The following PGM2L1 variants were observed in gnomAD, a reference collection of about 807,000 sequenced individuals.
PGM2L1 encodes the protein glucose 1,6-bisphosphate synthase.
A neutral mutation model predicts 73.4 loss-of-function variants in PGM2L1; 35 were observed. That is an observed-to-expected ratio of 0.48 (90% confidence interval 0.36 to 0.63). The LOEUF is 0.63. Ranked by LOEUF, PGM2L1 falls within the 30% of genes least tolerant of loss-of-function variation. PGM2L1 has a pLI of 0.00. For synonymous variants in PGM2L1, 225 were observed against 253.8 expected, an observed-to-expected ratio of 0.89 and a Z score of 1.08; for missense variants, 570 against 742.0, an observed-to-expected ratio of 0.77 and a Z score of 2.69.
rs773687874 is a variant in PGM2L1 at position 74,336,664 on chromosome 11, C to T, written c.1857G>A (p.Trp619Ter). 6.2e-7 allele frequency: 1 copy of T among 1,607,236 alleles called. No homozygotes were observed. The highest frequency in any genetic ancestry group is 1.1e-5 in the South Asian group (1 of 90,366). ...TATTGGTGTACCCCTAAACAGAACGCCAGATCAGTCCATTCTTACTAGGCT... is the reference window on the plus strand; with the variant it reads ...TATTGGTGTACCCCTAAACAGAACGTCAGATCAGTCCATTCTTACTAGGCT... ...FLQPSKNGLIWRSV is the reference protein window; with the variant it reads ...FLQPSKNGLI Residue 619 changes from tryptophan to a stop codon, truncating the protein, a stop_gained, in exon 14 of 14, where the codon TGG (tryptophan) becomes TGA (stop). Transcript: ENST00000298198. LOFTEE classifies it high-confidence loss of function.
rs140201310 is a variant in PGM2L1, at chr11:74,357,926, A to G, written c.556-6350T>C. On this transcript the variant is annotated intron_variant, in intron 5 of 13. Coordinates refer to ENST00000298198, the MANE Select transcript of PGM2L1 (RefSeq NM_173582.6). The stretch of plus-strand genomic sequence containing the variant: ...TGAAAGAAGCCAATCTAAAAAGGCT[A>G]TATACTGTATATTCCAACAATATGA... Among the ~76,000 whole-genome samples, 160 of 152,340 alleles carry G rather than the reference A, an allele frequency of 1.1e-3. 3 individuals are homozygous for G. The East Asian group carries it at 0.025, about 23-fold the overall frequency.
chr11:74,360,995 C>T (rs553860360), intron 5 of PGM2L1, among the ~76,000 whole-genome samples: 16 of 152,318 alleles, frequency 1.1e-4, no homozygotes, highest in East Asian at 7.7e-4. Flanking sequence ...AAACAAAAGG[C>T]GGCAGAAACC....
intron 12 of PGM2L1, among the ~76,000 whole-genome samples, chr11:74,339,277 G>T (rs929004562): frequency 6.6e-6 from 1 of 152,132 alleles, no homozygotes; most frequent in Non-Finnish European, 1.5e-5. Context: ...GGTGCAGAAA[G>T]AACTCTATTT....
chr11:74,339,040 A>G (rs889314535), intron 12 of PGM2L1, among the ~76,000 whole-genome samples: 3 of 152,330 alleles, frequency 2.0e-5, no homozygotes, highest in South Asian at 4.1e-4. Flanking sequence ...ATATACCTCA[A>G]TGCATGATCT....
intron 1 of PGM2L1, among the ~76,000 whole-genome samples, chr11:74,387,743 TCAGA>T (rs1339766363): frequency 6.6e-6 from 1 of 152,236 alleles, no homozygotes; most frequent in African/African-American, 2.4e-5. Context: ...AAAGCCAATG[TCAGA>T]CAGTTAACCA....
At chr11:74,393,672 C>G (rs942833101) in intron 1 of PGM2L1, among the ~76,000 whole-genome samples, 4 of 152,166 alleles carry the variant, frequency 2.6e-5, no homozygotes, top group African/African-American at 9.7e-5. Context: ...CCACAGTGCT[C>G]TACTTGCTAT....
intron 1 of PGM2L1, among the ~76,000 whole-genome samples, chr11:74,383,252 AAC>A (rs553004313): frequency 1.3e-3 from 191 of 152,302 alleles, no homozygotes; most frequent in African/African-American, 4.5e-3. Flanking sequence ...AATATGCAAA[AAC>A]ACTTAGATAT....
chr11:74,365,117 G>A (rs28872612), intron 5 of PGM2L1, among the ~76,000 whole-genome samples: 1 of 145,214 alleles, frequency 6.9e-6, no homozygotes, highest in African/African-American at 2.5e-5. Context: ...AATGGGGAAA[G>A]GATTCCCTAT....
chr11:74,347,999 C>G (rs549575548), intron 6 of PGM2L1, among the ~76,000 whole-genome samples: 1 of 152,208 alleles, frequency 6.6e-6, no homozygotes, highest in East Asian at 1.9e-4. Flanking sequence ...CTTTCCTCCC[C>G]CTTCATCTCA....
intron 12 of PGM2L1, 76 bp downstream of exon 12, chr11:74,342,385 G>C: frequency 1.7e-6 from 2 of 1,157,786 alleles, no homozygotes; most frequent in Non-Finnish European, 2.4e-6. Flanking sequence ...TGTGAAATCT[G>C]TCCTGCCTCT....
At chr11:74,345,251 G>T (rs548327560) in intron 9 of PGM2L1, among the ~76,000 whole-genome samples, 3 of 152,268 alleles carry the variant, frequency 2.0e-5, no homozygotes, top group South Asian at 4.1e-4. Context: ...AATTTTTAAA[G>T]AATATCTCAT....
At chr11:74,381,167 A>G (rs1355262798) in intron 1 of PGM2L1, among the ~76,000 whole-genome samples, 5 of 152,198 alleles carry the variant, frequency 3.3e-5, no homozygotes, top group Non-Finnish European at 5.9e-5. Flanking sequence ...TTGAACAGGT[A>G]ATTTCACTCC....
intron 2 of PGM2L1, among the ~76,000 whole-genome samples, chr11:74,372,227 T>G (rs1030398632): frequency 1.3e-5 from 2 of 152,080 alleles, no homozygotes; most frequent in East Asian, 3.8e-4. Context: ...CCTTGCTAGA[T>G]CATATGATTG....
In PGM2L1 at chr11:74,336,742, T is replaced by C; in HGVS notation, c.1779A>G (p.Leu593=). The change falls in exon 14 of 14, where the codon TTA becomes TTG. Residue 593 remains leucine (L), a synonymous_variant. Transcript: ENST00000298198. ...TGAGTTTCTTCAGTTCTTCCTCCAG[T>C]AAAGCAGTGTCACTGAGGAAAAGAT... ...CASPDQSDTA[L]LEEELKKLID... is the part of the protein sequence containing the mutation. The C allele has an allele frequency of 1.2e-6, 2 of 1,605,726 alleles. No homozygotes were observed. Among genetic ancestry groups the C allele is most frequent in the Non-Finnish European group, 1.7e-6 (2 of 1,173,916 alleles).
chr11:74,353,700 G>T (rs1484290955), intron 5 of PGM2L1, among the ~76,000 whole-genome samples: 1 of 130,538 alleles, frequency 7.7e-6, no homozygotes, highest in Non-Finnish European at 1.7e-5. Flanking sequence ...ATTTTTCTTA[G>T]TACAGAACAA....
In PGM2L1 at chr11:74,336,773, G is replaced by A. The variant is rs750165130; in HGVS notation, c.1767-19C>T. 1 of 1,524,520 alleles carries A rather than the reference G, an allele frequency of 6.6e-7. No homozygotes were observed. The highest frequency in any genetic ancestry group is 9.0e-7 in the Non-Finnish European group (1 of 1,110,296). The allele number at this position is 1,524,520 out of a possible 1,614,324, so 94.4% of individuals were successfully genotyped here. On this transcript the variant is annotated intron_variant, in intron 13 of 13. Transcript: ENST00000298198. ...AGTGTCACTGAGGAAAAGATGAAGA[G>A]TTTTGGAATTATTTATTTTCATAGG...
At position 74,345,571 on chromosome 11, in the gene PGM2L1, A is replaced by T. The variant is rs757880101; in HGVS notation, c.1116T>A (p.Asn372Lys). 5.8e-5 allele frequency: 94 copies of T among 1,613,546 alleles called. No homozygotes were observed. The highest frequency in any genetic ancestry group is 7.7e-5 in the Non-Finnish European group (91 of 1,179,748). ...GWWMFDCWKK[N>K]KSRNADVKNV... Reference sequence around the variant, plus strand: ...TCTTCACATCAGCATTTCTTGATTTATTTTTCTTCCAGCAATCAAACATCC... The same window carrying T: ...TCTTCACATCAGCATTTCTTGATTTTTTTTTCTTCCAGCAATCAAACATCC... The change falls in exon 9 of 14, where the codon AAT becomes AAA. Residue 372 changes from asparagine to lysine, a missense_variant. Transcript: ENST00000298198.
Position 74,350,897 on chromosome 11 carries a change from AAGAGAGAGAGAG to A in PGM2L1, c.749+474_749+485del, listed in dbSNP as rs35421915. On this transcript the variant is annotated intron_variant, in intron 6 of 13. Coordinates refer to ENST00000298198, the MANE Select transcript of PGM2L1 (RefSeq NM_173582.6). The stretch of plus-strand genomic sequence containing the variant: ...TGTCTCAAAAAAAAGGAAAGAAAGA[AAGAGAGAGAGAG>A]AGAGAGAGAAAGAGAGAGAGAGAGA... 6.2e-5 allele frequency among the ~76,000 whole-genome samples: 9 copies of A among 146,334 alleles called. No homozygotes were observed. In the South Asian group the frequency reaches 1.1e-3, roughly 17 times the overall value.
chr11:74,357,666 C>T (rs975524676), intron 5 of PGM2L1, among the ~76,000 whole-genome samples: 5 of 152,232 alleles, frequency 3.3e-5, no homozygotes, highest in African/African-American at 1.2e-4. Context: ...TCAGCACTCA[C>T]ACTCCTTGGT....
Sources: gnomAD v4.1 joint callset for allele counts (sites outside exome capture counted in the v4.1 genomes callset) on GRCh38, gnomAD v4.1.1 for gene constraint, MANE v1.5 for transcripts, NCBI Gene and HGNC (gene_info 2026-07-23, HGNC 2026-07-21) for gene names.